Variants in RNF115 observed in about 807,000 individuals in gnomAD.
RNF115 encodes the protein ring finger protein 115.
Under a neutral mutation model 39.2 loss-of-function variants are expected in RNF115, and 31 were observed. The observed-to-expected ratio is 0.79, with a 90% confidence interval of 0.59 to 1.07. The LOEUF (loss-of-function observed/expected upper bound fraction) is 1.07. Ranked by LOEUF, RNF115 falls within the 50% of genes least tolerant of loss-of-function variation. RNF115 has a pLI of 0.00. For missense variants in RNF115, 384 were observed against 381.7 expected, an observed-to-expected ratio of 1.01 and a Z score of -0.05; for synonymous variants, 124 against 131.0, an observed-to-expected ratio of 0.95 and a Z score of 0.37.
intron 4 of RNF115, among the ~76,000 whole-genome samples, chr1:145,763,291 G>A (rs1314893662): frequency 3.3e-5 from 5 of 152,186 alleles, no homozygotes; most frequent in Admixed American, 1.3e-4. Context: ...CCTACACAGC[G>A]AATCAGAAAC....
At chr1:145,770,951 AATTT>A (rs1647610681) in intron 4 of RNF115, among the ~76,000 whole-genome samples, 1 of 152,132 alleles carries the variant, frequency 6.6e-6, no homozygotes, top group South Asian at 2.1e-4. Context: ...TATCCTATTA[AATTT>A]TTTTCCTTTC....
rs587731379 is a variant in RNF115, at chr1:145,774,964, AG to A, written c.220-3046del. On this transcript the variant is annotated intron_variant, in intron 3 of 8. Transcript: ENST00000582693. ...TTGTGTACCTAGAAAACCCAAAAAC[AG>A]GCTGGGCACAGTGGCTTATGCCTGT... Among the ~76,000 whole-genome samples the A allele has an allele frequency of 2.4e-3, 369 of 152,314 alleles. 1 individual carries two copies. Among genetic ancestry groups the A allele is most frequent in the African/African-American group, 8.5e-3 (352 of 41,550 alleles).
intron 2 of RNF115, among the ~76,000 whole-genome samples, chr1:145,784,853 A>T (rs1201741147): frequency 1.3e-5 from 2 of 152,210 alleles, no homozygotes; most frequent in Non-Finnish European, 2.9e-5. Flanking sequence ...AGAAGGAAGG[A>T]GGACCCACAG....
chr1:145,767,743 G>A (rs1647419422), intron 4 of RNF115, among the ~76,000 whole-genome samples: 1 of 152,276 alleles, frequency 6.6e-6, no homozygotes, highest in Admixed American at 6.5e-5. Context: ...GGCCGAGGCT[G>A]GCGGATCACT....
At chr1:145,762,492 C>T (rs1553713987) in intron 4 of RNF115, among the ~76,000 whole-genome samples, 4 of 152,004 alleles carry the variant, frequency 2.6e-5, no homozygotes, top group African/African-American at 4.8e-5. Context: ...AAGATATATA[C>T]AATCTATTAA....
intron 1 of RNF115, among the ~76,000 whole-genome samples, chr1:145,802,546 A>G (rs1649294330): frequency 6.6e-6 from 1 of 152,234 alleles, no homozygotes; most frequent in Non-Finnish European, 1.5e-5. Flanking sequence ...ATACTTATTC[A>G]GTACATCAAA....
chr1:145,783,660 A>T (rs587658243), intron 3 of RNF115, among the ~76,000 whole-genome samples: 139 of 152,322 alleles, frequency 9.1e-4, no homozygotes, highest in African/African-American at 3.3e-3. Context: ...CTAGAGCTGA[A>T]CAAGTTGTAT....
At chr1:145,806,801 ACTT>A (rs1553721634) in intron 1 of RNF115, among the ~76,000 whole-genome samples, 3 of 152,162 alleles carry the variant, frequency 2.0e-5, no homozygotes, top group Non-Finnish European at 2.9e-5. Flanking sequence ...AGCTAAGTAA[ACTT>A]CTTTTGTTTA....
intron 1 of RNF115, among the ~76,000 whole-genome samples, chr1:145,795,770 C>T (rs1269079045): frequency 6.6e-6 from 1 of 152,122 alleles, no homozygotes; most frequent in African/African-American, 2.4e-5. Context: ...TTATAAGCGA[C>T]AATAAAAGCT....
At chr1:145,783,676 T>C (rs1161698317) in intron 3 of RNF115, among the ~76,000 whole-genome samples, 3 of 152,186 alleles carry the variant, frequency 2.0e-5, no homozygotes, top group African/African-American at 4.8e-5. Flanking sequence ...TGTATGGCAA[T>C]ATAGGGTACA....
chr1:145,747,097 T>C (rs1657905388), intron 8 of RNF115, 100 bp from the exon 9 acceptor site: 4 of 1,254,050 alleles, frequency 3.2e-6, no homozygotes, highest in East Asian at 4.7e-5. Flanking sequence ...TCAAAAATTA[T>C]GACATGGAAC....
intron 4 of RNF115, among the ~76,000 whole-genome samples, chr1:145,760,411 C>G (rs587745241): frequency 6.6e-6 from 1 of 152,282 alleles, no homozygotes; most frequent in Non-Finnish European, 1.5e-5. Context: ...TGTCTCCACC[C>G]AAATCTCAGC....
chr1:145,790,507 A>G lies in RNF115; in HGVS notation c.103-1541T>C, dbSNP rs368087013. 2.6e-5 allele frequency among the ~76,000 whole-genome samples: 4 copies of G among 151,498 alleles called. No homozygotes were observed. In the East Asian group the frequency reaches 7.8e-4, roughly 29 times the overall value. On this transcript the variant is annotated intron_variant, in intron 1 of 8. Transcript: ENST00000582693. Reference sequence around the variant, plus strand: ...GAGTGCAATGGCACGGTCTTGGCTCACTGCAATCTCTGCTTCCCAGGCTCA... The same window carrying G: ...GAGTGCAATGGCACGGTCTTGGCTCGCTGCAATCTCTGCTTCCCAGGCTCA...
At chr1:145,815,337 C>G (rs1488641867) in intron 1 of RNF115, among the ~76,000 whole-genome samples, 1 of 152,300 alleles carries the variant, frequency 6.6e-6, no homozygotes, top group Non-Finnish European at 1.5e-5. Flanking sequence ...AGTTCTTAAC[C>G]TGATCTCTTC....
chr1:145,786,693 G>A (rs781930516), intron 2 of RNF115, among the ~76,000 whole-genome samples: 1 of 152,176 alleles, frequency 6.6e-6, no homozygotes, highest in Admixed American at 6.5e-5. Flanking sequence ...CAAAAGATAA[G>A]CCCATTAATT....
chr1:145,790,346 G>T (rs587684178), intron 1 of RNF115, among the ~76,000 whole-genome samples: 1 of 151,946 alleles, frequency 6.6e-6, no homozygotes, highest in African/African-American at 2.4e-5. Flanking sequence ...CTCCATGTTG[G>T]TCAGGCTGGT....
intron 4 of RNF115, among the ~76,000 whole-genome samples, chr1:145,767,296 CA>C (rs1647372624): frequency 2.4e-5 from 1 of 41,594 alleles, no homozygotes; most frequent in Non-Finnish European, 4.4e-5. Flanking sequence ...ACTTCTCAGA[CA>C]GGGCAGTTGC....
intron 1 of RNF115, among the ~76,000 whole-genome samples, chr1:145,822,666 C>T (rs1277264509): frequency 6.6e-6 from 1 of 151,218 alleles, no homozygotes; most frequent in Non-Finnish European, 1.5e-5. Context: ...ACAGGATTGA[C>T]ATTCACTCTG....
In RNF115 at chr1:145,745,937, AAAT is replaced by A. The variant is rs1472733052; in HGVS notation, c.*926_*928del. The A allele has an allele frequency of 1.3e-5, 2 of 151,422 alleles. No individual in the cohort carries two copies. Among genetic ancestry groups the A allele is most frequent in the Non-Finnish European group, 2.9e-5 (2 of 67,932 alleles). The allele number at this position is 151,422 out of a possible 1,614,324, so 9.4% of individuals were successfully genotyped here. A position where few individuals can be genotyped will look rare whatever the true frequency, so the allele number is the denominator to read the frequency against. ...CAACTGAAGTAGTCTTTAAAAATTA[AAAT>A]AAGAGGCCAGGCGCAGTGGCTCACG... On this transcript the variant is annotated 3_prime_UTR_variant, in exon 9 of 9. Transcript: ENST00000582693.
Sources: allele counts gnomAD v4.1 joint callset (sites outside exome capture counted in the v4.1 genomes callset), GRCh38; gene constraint gnomAD v4.1.1; transcripts MANE v1.5; gene names NCBI Gene and HGNC (gene_info 2026-07-23, HGNC 2026-07-21).